DSCAML1: variants seen among roughly 807,000 people sequenced by gnomAD.
DSCAML1 encodes the protein cell adhesion molecule DSCAML1.
In DSCAML1, 38 loss-of-function variants were observed where a neutral mutation model predicts 200.5. The observed-to-expected ratio is 0.19, with a 90% CI of 0.15 to 0.25. DSCAML1 has a LOEUF of 0.25. Ranked by LOEUF, DSCAML1 falls within the 10% of genes least tolerant of loss-of-function variation. The pLI is 1.00. For missense variants in DSCAML1, 2,223 were observed against 2,858.8 expected, an observed-to-expected ratio of 0.78 and a Z score of 5.07; for synonymous variants, 1,215 against 1,165.0, an observed-to-expected ratio of 1.04 and a Z score of -0.87.
In DSCAML1 at chr11:117,516,482, G is replaced by T; in HGVS notation, c.1768C>A (p.His590Asn). The change falls in exon 8 of 33, where the codon CAC becomes AAC. Residue 590 changes from histidine to asparagine, a missense_variant. His to Asn is a moderately conservative substitution (Grantham distance 68). This residue lies in a region of DSCAML1 where 212 missense variants were observed against 368.0 expected (regional missense o/e 0.58). Coordinates refer to ENST00000651296, the MANE Select transcript of DSCAML1 (RefSeq NM_020693.4). The surrounding 1 kb of genome is among the most constrained non-coding windows in gnomAD (Gnocchi z 5.7). ...GGAGGCCTACCTTTGACGGCTACGT[G>T]AACGCTCTGGCTGATGGAGAGCTGG... ...QPQLSISQSV[H>N]VAVKVPPLIQ... The T allele has an allele frequency of 6.2e-7, 1 of 1,613,290 alleles. No individual in the cohort carries two copies. The highest frequency in any genetic ancestry group is 8.5e-7 in the Non-Finnish European group (1 of 1,179,550).
chr11:117,592,627 C>A (rs1352720466), intron 3 of DSCAML1, among the ~76,000 whole-genome samples: 2 of 152,236 alleles, frequency 1.3e-5, no homozygotes, highest in African/African-American at 4.8e-5. Context: ...AATAGTTACA[C>A]ACCCTTCGTT....
chr11:117,538,711 G>T (rs953524211), intron 3 of DSCAML1, among the ~76,000 whole-genome samples: 1 of 152,030 alleles, frequency 6.6e-6, no homozygotes, highest in African/African-American at 2.4e-5. Flanking sequence ...CCAGAGGGCT[G>T]GACAGAGAGA....
intron 11 of DSCAML1, among the ~76,000 whole-genome samples, chr11:117,492,579 C>T (rs771900415): frequency 6.6e-6 from 1 of 152,108 alleles, no homozygotes; most frequent in Non-Finnish European, 1.5e-5. Flanking sequence ...CCTCCTTTTC[C>T]CCAACCCACC....
intron 3 of DSCAML1, among the ~76,000 whole-genome samples, chr11:117,646,439 C>G (rs538672897): frequency 1.3e-5 from 2 of 152,164 alleles, no homozygotes; most frequent in African/African-American, 4.8e-5. Flanking sequence ...GGGATCCCCC[C>G]CAAGTCCTAC....
chr11:117,525,092 C>A lies in DSCAML1; in HGVS notation c.659-9G>T. 3.3e-6 allele frequency: 5 copies of A among 1,525,634 alleles called. No homozygotes were observed. Among genetic ancestry groups the A allele is most frequent in the Non-Finnish European group, 4.4e-6 (5 of 1,143,418 alleles). 94.5% of individuals were successfully genotyped at this position (1,525,634 alleles called of 1,614,324 possible). ...GATCGACTCAGCAGGGTCTGGAAGG[C>A]AGAGAGGGTCGGCAGCCCTGGCCAG... On this transcript the variant is annotated splice_polypyrimidine_tract_variant and intron_variant, in intron 4 of 32. Transcript: ENST00000651296.
At chr11:117,528,362 A>T (rs916200891) in intron 4 of DSCAML1, among the ~76,000 whole-genome samples, 8 of 152,228 alleles carry the variant, frequency 5.3e-5, no homozygotes, top group African/African-American at 1.7e-4. Flanking sequence ...GCGTGAAATT[A>T]AATTCTGAGG....
chr11:117,716,201 C>T (rs2053949277), intron 3 of DSCAML1, among the ~76,000 whole-genome samples: 1 of 152,216 alleles, frequency 6.6e-6, no homozygotes, highest in African/African-American at 2.4e-5. Context: ...AGGTGCTTAA[C>T]CTGGAGGCCC....
chr11:117,782,604 T>C (rs2055284517), intron 1 of DSCAML1, among the ~76,000 whole-genome samples: 2 of 152,150 alleles, frequency 1.3e-5, no homozygotes, highest in Admixed American at 1.3e-4. Context: ...CCCAAGAACA[T>C]GAAATCATGC....
chr11:117,804,832 A>G (rs2055696022), intron 1 of DSCAML1, among the ~76,000 whole-genome samples: 1 of 152,146 alleles, frequency 6.6e-6, no homozygotes, highest in Admixed American at 6.5e-5. Context: ...CGGGAGGTTG[A>G]GGTGGGAGGA....
chr11:117,518,865 G>A lies in DSCAML1; in HGVS notation c.1214-103C>T. On this transcript the variant is annotated intron_variant, in intron 6 of 32. Coordinates refer to ENST00000651296, the MANE Select transcript of DSCAML1 (RefSeq NM_020693.4). The surrounding 1 kb of genome is among the most constrained non-coding windows in gnomAD (Gnocchi z 6.3). ...GGGAGGAGGCAAAAAGCAGCCATAA[G>A]AGCAAACAAGAACTTTTGTGTACAT... The A allele has an allele frequency of 7.6e-7, 1 of 1,311,210 alleles. No individual in the cohort carries two copies. Among genetic ancestry groups the A allele is most frequent in the Non-Finnish European group, 1.0e-6 (1 of 979,884 alleles). The allele number at this position is 1,311,210 out of a possible 1,614,324, so 81.2% of individuals were successfully genotyped here. A position where few individuals can be genotyped will look rare whatever the true frequency, so the allele number is the denominator to read the frequency against.
chr11:117,541,464 T>A (rs1359313947), intron 3 of DSCAML1, among the ~76,000 whole-genome samples: 2 of 152,174 alleles, frequency 1.3e-5, no homozygotes, highest in Non-Finnish European at 2.9e-5. Flanking sequence ...CATCTCCACA[T>A]GGGGTGAGGC....
At chr11:117,453,787 A>G (rs1351631726) in intron 19 of DSCAML1, among the ~76,000 whole-genome samples, 6 of 137,222 alleles carry the variant, frequency 4.4e-5, no homozygotes, top group Admixed American at 2.4e-4. Flanking sequence ...CTCTGTCCCT[A>G]GGCTAGAGTG....
chr11:117,521,308 G>A lies in DSCAML1; in HGVS notation c.1035C>T (p.Thr345=). Residue 345 remains threonine, a synonymous_variant, in exon 6 of 33, where the codon ACC becomes ACT. Transcript: ENST00000651296. ...GCTCCGTGTTGCGATACCAGCGGAT[G>A]GTGAACTCTGGGGAGCCCGTCAGGG... ...SCALTGSPEF[T]IRWYRNTELV... 1 of 1,614,214 alleles carries A rather than the reference G, an allele frequency of 6.2e-7. No individual in the cohort carries two copies.
chr11:117,489,789 C>T lies in DSCAML1; in HGVS notation c.2360-7627G>A, dbSNP rs1286772759. On this transcript the variant is annotated intron_variant, in intron 11 of 32. Transcript: ENST00000651296. The surrounding 1 kb of genome is among the most constrained non-coding windows in gnomAD (Gnocchi z 4.8). The stretch of plus-strand genomic sequence containing the variant: ...CCACATTGCATGCAGGCCTCTCCTG[C>T]GGGGCATCCCCTGCATGGCACGTGT... Among the ~76,000 whole-genome samples, 2 of 152,188 alleles carry T rather than the reference C, an allele frequency of 1.3e-5. No individual in the cohort carries two copies. The highest frequency in any genetic ancestry group is 2.4e-5 in the African/African-American group (1 of 41,446).
chr11:117,579,491 T>G (rs1474733827), intron 3 of DSCAML1, among the ~76,000 whole-genome samples: 1 of 152,232 alleles, frequency 6.6e-6, no homozygotes, highest in African/African-American at 2.4e-5. Context: ...CTCCACACAG[T>G]TGGCTCCTTC....
rs549167263 is a variant in DSCAML1 at position 117,780,827 on chromosome 11, G to A, written c.47-17C>T. 7.8e-6 allele frequency: 11 copies of A among 1,414,432 alleles called. No individual in the cohort carries two copies. The South Asian group carries it at 1.7e-4, about 22-fold the overall frequency. 87.6% of individuals were successfully genotyped at this position (1,414,432 alleles called of 1,614,324 possible). On this transcript the variant is annotated splice_polypyrimidine_tract_variant and intron_variant, in intron 1 of 32. Coordinates refer to ENST00000651296, the MANE Select transcript of DSCAML1 (RefSeq NM_020693.4). This position sits in a 1 kb window ranked among gnomAD's most constrained non-coding sequence, Gnocchi z 4.8. ...CAGGGCGGGCTGCAGGAGAGGCAAG[G>A]GGAGAGACTTGGTTAGCATGGGCTC... is the stretch of plus-strand genomic sequence containing the variant.
chr11:117,620,784 TC>T (rs1438123208), intron 3 of DSCAML1, among the ~76,000 whole-genome samples: 1 of 152,204 alleles, frequency 6.6e-6, no homozygotes, highest in Admixed American at 6.5e-5. Flanking sequence ...GAATTCCAAT[TC>T]CCTTTTCATC....
chr11:117,726,242 T>C (rs989449785), intron 3 of DSCAML1, among the ~76,000 whole-genome samples: 5 of 149,692 alleles, frequency 3.3e-5, no homozygotes, highest in African/African-American at 1.3e-4. Context: ...TGAGGTTGTG[T>C]GTGTATCTCT....
intron 32 of DSCAML1, 134 bp downstream of exon 32, chr11:117,430,588 C>T (rs2047766112): frequency 2.9e-6 from 3 of 1,024,686 alleles, no homozygotes; most frequent in East Asian, 5.1e-5. Flanking sequence ...GCTGTTGGTA[C>T]CACCCTGCAC....
Sources: allele counts gnomAD v4.1 joint callset (sites outside exome capture counted in the v4.1 genomes callset), GRCh38; gene constraint gnomAD v4.1.1; regional missense constraint gnomAD v4.1.1; non-coding constraint Gnocchi (gnomAD v3.1); transcripts MANE v1.5; gene names NCBI Gene and HGNC (gene_info 2026-07-23, HGNC 2026-07-21).